Variants in NALF1 observed in about 807,000 individuals in gnomAD.
NALF1 encodes the protein NALCN channel auxiliary factor 1.
Under a neutral mutation model 48.4 loss-of-function variants are expected in NALF1, and 3 were observed. The observed-to-expected ratio is 0.06, with a 90% CI of 0.03 to 0.16. NALF1 has a LOEUF of 0.16. NALF1 is among the 10% of genes least tolerant of loss of function. The pLI is 1.00. For missense variants in NALF1, 526 were observed against 571.5 expected (o/e 0.92, Z 0.81); for synonymous variants, 262 against 245.7 (o/e 1.07, Z -0.62).
At chr13:107,687,936 T>C (rs1449073357) in intron 1 of NALF1, among the ~76,000 whole-genome samples, 1 of 152,088 alleles carries the variant, frequency 6.6e-6, no homozygotes, top group Admixed American at 6.6e-5. Flanking sequence ...AAACCAAAAA[T>C]TAGGCAAAAA....
intron 1 of NALF1, among the ~76,000 whole-genome samples, chr13:107,245,993 C>T (rs961099887): frequency 3.9e-5 from 6 of 152,054 alleles, no homozygotes; most frequent in African/African-American, 1.4e-4. Context: ...CTCCACAAAT[C>T]AACTCATCTT....
At chr13:107,397,975 A>G (rs1431812413) in intron 1 of NALF1, among the ~76,000 whole-genome samples, 1 of 152,190 alleles carries the variant, frequency 6.6e-6, no homozygotes, top group Non-Finnish European at 1.5e-5. Flanking sequence ...ATCATGGTAC[A>G]GATGAACTTG....
At chr13:107,625,501 A>G (rs906773638) in intron 1 of NALF1, among the ~76,000 whole-genome samples, 1 of 152,106 alleles carries the variant, frequency 6.6e-6, no homozygotes, top group African/African-American at 2.4e-5. Context: ...CCCATCTTTC[A>G]TGTCTATATA....
chr13:107,679,787 T>G (rs1003054226), intron 1 of NALF1, among the ~76,000 whole-genome samples: 3 of 152,298 alleles, frequency 2.0e-5, no homozygotes, highest in Admixed American at 1.3e-4. Context: ...CCATGGAAGC[T>G]CCACCCAGCA....
At chr13:107,234,802 CT>C (rs1386008441) in intron 1 of NALF1, among the ~76,000 whole-genome samples, 1 of 152,186 alleles carries the variant, frequency 6.6e-6, no homozygotes, top group Admixed American at 6.5e-5. Flanking sequence ...TATGGTTATA[CT>C]TAAGAACTGG....
chr13:107,705,515 TATATA>T (rs961292582), intron 1 of NALF1, among the ~76,000 whole-genome samples: 10 of 103,994 alleles, frequency 9.6e-5, no homozygotes, highest in Non-Finnish European at 2.2e-4. Flanking sequence ...TTTATACATA[TATATA>T]TATATATGTA....
At chr13:107,483,966 G>A (rs999253848) in intron 1 of NALF1, among the ~76,000 whole-genome samples, 5 of 151,848 alleles carry the variant, frequency 3.3e-5, no homozygotes, top group Non-Finnish European at 5.9e-5. Context: ...GTTACTATTG[G>A]TATTATTATC....
At chr13:107,211,806 CAAGAAT>C (rs1260965184) in intron 1 of NALF1, among the ~76,000 whole-genome samples, 1 of 152,130 alleles carries the variant, frequency 6.6e-6, no homozygotes, top group Non-Finnish European at 1.5e-5. Flanking sequence ...CTAATAATAA[CAAGAAT>C]AATAGCTGGT....
At chr13:107,851,200 A>G (rs1190204644) in intron 1 of NALF1, among the ~76,000 whole-genome samples, 1 of 152,172 alleles carries the variant, frequency 6.6e-6, no homozygotes, top group African/African-American at 2.4e-5. Flanking sequence ...TGGTAACCTT[A>G]TAGTATCTTT....
At chr13:107,210,237 C>T (rs987820083) in intron 2 of NALF1, among the ~76,000 whole-genome samples, 5 of 152,212 alleles carry the variant, frequency 3.3e-5, no homozygotes, top group Non-Finnish European at 4.4e-5. Flanking sequence ...GGCCTTAGCA[C>T]ATCTCCTGTT....
intron 1 of NALF1, among the ~76,000 whole-genome samples, chr13:107,682,602 T>G (rs971936752): frequency 6.6e-6 from 1 of 152,182 alleles, no homozygotes; most frequent in Non-Finnish European, 1.5e-5. Context: ...CCACTCTTTT[T>G]TTTTTCCATT....
intron 1 of NALF1, among the ~76,000 whole-genome samples, chr13:107,723,801 C>CT (rs1227311612): frequency 3.9e-5 from 6 of 152,188 alleles, no homozygotes; most frequent in Non-Finnish European, 5.9e-5. Context: ...AAACTGTTGT[C>CT]TAGCTTACAA....
intron 1 of NALF1, among the ~76,000 whole-genome samples, chr13:107,234,912 A>C (rs1566459530): frequency 1.3e-5 from 2 of 152,016 alleles, no homozygotes; most frequent in East Asian, 3.9e-4. Flanking sequence ...GAAAATCCTC[A>C]TGTTCTGCTT....
intron 1 of NALF1, among the ~76,000 whole-genome samples, chr13:107,546,780 A>G (rs2139124875): frequency 6.6e-6 from 1 of 152,330 alleles, no homozygotes; most frequent in Admixed American, 6.5e-5. Flanking sequence ...ACGACTACCA[A>G]GCTGTGTGTG....
chr13:107,174,114 C>A (rs1878861963), intron 2 of NALF1, among the ~76,000 whole-genome samples: 1 of 151,994 alleles, frequency 6.6e-6, no homozygotes. Flanking sequence ...TTGGGGTACG[C>A]TTATTTGTTG....
intron 1 of NALF1, among the ~76,000 whole-genome samples, chr13:107,314,988 AATACTCCTAAGGGGGTT>A: frequency 6.6e-6 from 1 of 152,198 alleles, no homozygotes; most frequent in South Asian, 2.1e-4. Flanking sequence ...TATCAACCCA[AATACTCCTAAGGGGGTT>A]ACCCTGTGGA....
At chr13:107,679,298 C>T (rs1165749278) in intron 1 of NALF1, among the ~76,000 whole-genome samples, 1 of 151,720 alleles carries the variant, frequency 6.6e-6, no homozygotes, top group Admixed American at 6.6e-5. Flanking sequence ...AATGTGAAAA[C>T]CTTTAACTAT....
chr13:107,849,938 G>C (rs529720657), intron 1 of NALF1, among the ~76,000 whole-genome samples: 3 of 152,258 alleles, frequency 2.0e-5, no homozygotes, highest in African/African-American at 7.2e-5. Context: ...TGTGTTGCTA[G>C]AAATTGTCTT....
At chr13:107,272,845 T>G (rs566626334) in intron 1 of NALF1, among the ~76,000 whole-genome samples, 4 of 152,312 alleles carry the variant, frequency 2.6e-5, no homozygotes, top group African/African-American at 4.8e-5. Flanking sequence ...ACACATTTGT[T>G]AAAACTAAGG....
Sources: gnomAD v4.1 joint callset for allele counts (sites outside exome capture counted in the v4.1 genomes callset) on GRCh38, gnomAD v4.1.1 for gene constraint, MANE v1.5 for transcripts, NCBI Gene and HGNC (gene_info 2026-07-23, HGNC 2026-07-21) for gene names.